Variants in ZBTB20 observed in about 807,000 individuals in gnomAD.
ZBTB20 encodes the protein zinc finger and BTB domain containing 20, also known as zinc finger and BTB domain-containing protein 20.
A neutral mutation model predicts 56.9 loss-of-function variants in ZBTB20; 9 were observed. The ratio of observed to expected loss-of-function variants is 0.16; its 90% CI spans 0.10 to 0.28. The LOEUF is 0.28. ZBTB20 is among the 10% of genes least tolerant of loss of function. ZBTB20 has a pLI of 1.00. For synonymous variants in ZBTB20, 417 were observed against 420.7 expected, an observed-to-expected ratio of 0.99 and a Z score of 0.11; for missense variants, 655 against 1,003.0, an observed-to-expected ratio of 0.65 and a Z score of 4.69.
chr3:114,450,070 A>G (rs2091507647), intron 7 of ZBTB20, among the ~76,000 whole-genome samples: 1 of 152,186 alleles, frequency 6.6e-6, no homozygotes, highest in Non-Finnish European at 1.5e-5. Context: ...CTTTTGCTCT[A>G]TGATATTTAG....
chr3:114,666,755 T>G (rs1046568510), intron 6 of ZBTB20, among the ~76,000 whole-genome samples: 6 of 151,964 alleles, frequency 3.9e-5, no homozygotes, highest in Non-Finnish European at 8.8e-5. Context: ...CTAGAATGTG[T>G]GATAAACTGT....
At chr3:114,451,547 A>T (rs1047348132) in intron 7 of ZBTB20, among the ~76,000 whole-genome samples, 3 of 152,188 alleles carry the variant, frequency 2.0e-5, no homozygotes, top group African/African-American at 7.2e-5. Context: ...GCATCAGATC[A>T]ACAGAACAAA....
intron 10 of ZBTB20, among the ~76,000 whole-genome samples, chr3:114,379,873 T>G (rs2084101196): frequency 6.6e-6 from 1 of 152,202 alleles, no homozygotes; most frequent in Non-Finnish European, 1.5e-5. Flanking sequence ...AGGTCCACAT[T>G]TGGTTGTTCA....
chr3:114,386,492 A>T (rs1233549663), intron 8 of ZBTB20, among the ~76,000 whole-genome samples: 2 of 152,218 alleles, frequency 1.3e-5, no homozygotes, highest in African/African-American at 2.4e-5. Flanking sequence ...ACTGCCAGGT[A>T]CTAGCAGTAG....
rs549837120 is a variant in ZBTB20, at chr3:114,321,463, C to G, written c.*17542G>C. 1 of 152,408 alleles carries G rather than the reference C, an allele frequency of 6.6e-6. No homozygotes were observed. The highest frequency in any genetic ancestry group is 2.1e-4 in the South Asian group (1 of 4,830). 9.4% of individuals were successfully genotyped at this position (152,408 alleles called of 1,614,324 possible). A position where few individuals can be genotyped will look rare whatever the true frequency, so the allele number is the denominator to read the frequency against. ...TGGGTGGTTCTGGAGGGTCCCTCCCCTGCTATCACTGCCCACTGGCCCTTG... is the reference window on the plus strand; with the variant it reads ...TGGGTGGTTCTGGAGGGTCCCTCCCGTGCTATCACTGCCCACTGGCCCTTG... On this transcript the variant is annotated 3_prime_UTR_variant, in exon 12 of 12. Transcript: ENST00000675478.
At chr3:114,573,465 A>G (rs2053657357) in intron 6 of ZBTB20, among the ~76,000 whole-genome samples, 1 of 148,846 alleles carries the variant, frequency 6.7e-6, no homozygotes, top group Non-Finnish European at 1.5e-5. Context: ...ACAAAAAAGA[A>G]AAAAAAAAAA....
intron 1 of ZBTB20, among the ~76,000 whole-genome samples, chr3:115,078,611 G>GTGTGTGTATATATATA (rs1553890817): frequency 3.8e-5 from 5 of 133,180 alleles, no homozygotes; most frequent in African/African-American, 1.6e-4. Flanking sequence ...GTGTGTGTGT[G>GTGTGTGTATATATATA]TGTATATATA....
chr3:114,747,423 C>T (rs954995135), intron 5 of ZBTB20, among the ~76,000 whole-genome samples: 4 of 151,930 alleles, frequency 2.6e-5, no homozygotes, highest in African/African-American at 9.7e-5. Context: ...AAAAATTAGC[C>T]AGGCATGGTG....
At chr3:115,146,940 C>T (rs2085006048) in intron 1 of ZBTB20, among the ~76,000 whole-genome samples, 2 of 150,970 alleles carry the variant, frequency 1.3e-5, no homozygotes, top group Admixed American at 1.3e-4. Flanking sequence ...CCCGCCGGGT[C>T]GGGCGAGGCA....
Position 114,321,490 on chromosome 3 carries a change from C to G in ZBTB20, c.*17515G>C, listed in dbSNP as rs886750833. ...GCTATCACTGCCCACTGGCCCTTGC[C>G]TTCAATAAAGCAGAGAAGGTGTGCA... On this transcript the variant is annotated 3_prime_UTR_variant, in exon 12 of 12. Transcript: ENST00000675478. 10 of 152,382 alleles carry G rather than the reference C, an allele frequency of 6.6e-5. No homozygotes were observed. The highest frequency in any genetic ancestry group is 3.4e-3 in the Middle Eastern group (1 of 296). The allele number at this position is 152,382 out of a possible 1,614,324, so 9.4% of individuals were successfully genotyped here. A position where few individuals can be genotyped will look rare whatever the true frequency, so the allele number is the denominator to read the frequency against.
At chr3:115,008,729 C>A (rs1402443929) in intron 2 of ZBTB20, among the ~76,000 whole-genome samples, 1 of 151,850 alleles carries the variant, frequency 6.6e-6, no homozygotes, top group Non-Finnish European at 1.5e-5. Flanking sequence ...TGTCCCTGAT[C>A]TATGTAATGG....
At chr3:115,055,763 T>A (rs971864251) in intron 2 of ZBTB20, among the ~76,000 whole-genome samples, 12 of 152,136 alleles carry the variant, frequency 7.9e-5, no homozygotes, top group African/African-American at 2.9e-4. Context: ...CCATGTTTCA[T>A]AATCTTTTGC....
chr3:114,873,618 G>A (rs1336739521), intron 4 of ZBTB20, among the ~76,000 whole-genome samples: 1 of 152,004 alleles, frequency 6.6e-6, no homozygotes, highest in East Asian at 1.9e-4. Context: ...AACATATTGA[G>A]AAATAACACA....
intron 2 of ZBTB20, among the ~76,000 whole-genome samples, chr3:115,069,570 T>G (rs1355222538): frequency 2.0e-5 from 3 of 152,096 alleles, no homozygotes; most frequent in Non-Finnish European, 4.4e-5. Context: ...ACCATCAAAC[T>G]TGCTCTTCTC....
chr3:114,528,419 C>T (rs892947737), intron 6 of ZBTB20, among the ~76,000 whole-genome samples: 4 of 151,508 alleles, frequency 2.6e-5, no homozygotes, highest in African/African-American at 4.9e-5. Context: ...GAAGAGGGCA[C>T]GGGTCTTCAG....
At chr3:114,473,374 G>T (rs2040368865) in intron 7 of ZBTB20, among the ~76,000 whole-genome samples, 1 of 152,184 alleles carries the variant, frequency 6.6e-6, no homozygotes, top group Non-Finnish European at 1.5e-5. Context: ...AAGTAAGTTT[G>T]CATTTTTGAT....
At chr3:114,860,215 G>A (rs1474366407) in intron 4 of ZBTB20, among the ~76,000 whole-genome samples, 3 of 152,036 alleles carry the variant, frequency 2.0e-5, no homozygotes, top group African/African-American at 4.8e-5. Context: ...GCTGAGGCAG[G>A]GGAATCGCTT....
At chr3:114,965,966 AC>A (rs1466730360) in intron 3 of ZBTB20, among the ~76,000 whole-genome samples, 1 of 152,094 alleles carries the variant, frequency 6.6e-6, no homozygotes, top group Non-Finnish European at 1.5e-5. Context: ...TTGTGTCTTT[AC>A]TGTTAAGTGT....
intron 2 of ZBTB20, among the ~76,000 whole-genome samples, chr3:115,005,145 T>C (rs1187989064): frequency 6.6e-6 from 1 of 151,786 alleles, no homozygotes; most frequent in Non-Finnish European, 1.5e-5. Context: ...TTTCAATTCT[T>C]CACTTTTAAA....
Sources: gnomAD v4.1 joint callset for allele counts (sites outside exome capture counted in the v4.1 genomes callset) on GRCh38, gnomAD v4.1.1 for gene constraint, MANE v1.5 for transcripts, NCBI Gene and HGNC (gene_info 2026-07-23, HGNC 2026-07-21) for gene names.